TMEM108: variants seen among roughly 807,000 people sequenced by gnomAD.
TMEM108 encodes transmembrane protein 108, also known as cancer/testis antigen 124.
In TMEM108, 12 loss-of-function variants were observed where a neutral mutation model predicts 35.1. That is an observed-to-expected ratio of 0.34 (90% CI 0.22 to 0.55). The LOEUF is 0.55. Ranked by LOEUF, TMEM108 falls within the 20% of genes least tolerant of loss-of-function variation. The pLI, the probability that TMEM108 is intolerant of heterozygous loss-of-function variation, is 0.89. For synonymous variants in TMEM108, 287 were observed against 308.6 expected, an observed-to-expected ratio of 0.93 and a Z score of 0.73; for missense variants, 680 against 753.3, an observed-to-expected ratio of 0.90 and a Z score of 1.14.
At chr3:133,115,100 T>C (rs1451738197) in intron 2 of TMEM108, among the ~76,000 whole-genome samples, 1 of 152,218 alleles carries the variant, frequency 6.6e-6, no homozygotes, top group Non-Finnish European at 1.5e-5. Context: ...TGAATATTTA[T>C]CTTTCAAGAT....
chr3:133,387,064 G>A, intron 4 of TMEM108: 1 of 985,662 alleles, frequency 1.0e-6, no homozygotes, highest in Non-Finnish European at 1.2e-6. Context: ...CTGAAATAGT[G>A]AATGTTCTAA....
intron 3 of TMEM108, among the ~76,000 whole-genome samples, chr3:133,283,574 A>C (rs992389899): frequency 1.4e-5 from 2 of 146,812 alleles, no homozygotes; most frequent in Admixed American, 1.3e-4. Context: ...GTTTTCCTCT[A>C]TAGTCTGCTT....
intron 2 of TMEM108, among the ~76,000 whole-genome samples, chr3:133,159,105 A>G (rs1208368458): frequency 1.3e-5 from 2 of 152,204 alleles, no homozygotes; most frequent in Non-Finnish European, 2.9e-5. Context: ...GTCTCCCCAC[A>G]TCTTCACTCA....
At chr3:133,081,261 C>T (rs185334245) in intron 2 of TMEM108, among the ~76,000 whole-genome samples, 1 of 152,312 alleles carries the variant, frequency 6.6e-6, no homozygotes, top group Non-Finnish European at 1.5e-5. Flanking sequence ...AATTTGAGAT[C>T]AGGGTACCAG....
intron 5 of TMEM108, 151 bp from the exon 6 acceptor site, chr3:133,395,713 C>T (rs1354566364): frequency 1.2e-5 from 8 of 659,318 alleles, no homozygotes; most frequent in Non-Finnish European, 1.6e-5. Context: ...GCATAGAGGG[C>T]TGTGCACCTC....
intron 3 of TMEM108, among the ~76,000 whole-genome samples, chr3:133,317,223 C>T (rs896752842): frequency 1.3e-5 from 2 of 152,140 alleles, no homozygotes; most frequent in Middle Eastern, 3.4e-3. Context: ...TTTGTATCCC[C>T]AAGGAATATA....
chr3:133,174,660 G>A (rs1945183732), intron 2 of TMEM108, among the ~76,000 whole-genome samples: 1 of 152,036 alleles, frequency 6.6e-6, no homozygotes, highest in South Asian at 2.1e-4. Flanking sequence ...GGACATCCAT[G>A]CCAAAAACCC....
At chr3:133,195,995 A>G (rs1205802521) in intron 2 of TMEM108, among the ~76,000 whole-genome samples, 4 of 152,172 alleles carry the variant, frequency 2.6e-5, no homozygotes, top group Admixed American at 1.3e-4. Flanking sequence ...TTCTTTTGCT[A>G]TCTGACAGTT....
rs2073323168 is a variant in TMEM108 at position 133,397,547 on chromosome 3, T to C, written c.*1561T>C. ...TTAATTTTCTAGCGTGTTGTTGTCT[T>C]ACCTTTTTAACCTTACCATAATATT... On this transcript the variant is annotated 3_prime_UTR_variant, in exon 6 of 6. Coordinates refer to ENST00000321871, the MANE Select transcript of TMEM108 (RefSeq NM_023943.4). 1 of 152,218 alleles carries C rather than the reference T, an allele frequency of 6.6e-6. No individual in the cohort carries two copies. The highest frequency in any genetic ancestry group is 1.5e-5 in the Non-Finnish European group (1 of 68,030). 9.4% of individuals were successfully genotyped at this position (152,218 alleles called of 1,614,324 possible). A position where few individuals can be genotyped will look rare whatever the true frequency, so the allele number is the denominator to read the frequency against.
At position 133,218,889 on chromosome 3, in the gene TMEM108, CCTT is replaced by C. The variant is rs376675106; in HGVS notation, c.-46-10374_-46-10372del. 1.4e-4 allele frequency among the ~76,000 whole-genome samples: 21 copies of C among 152,010 alleles called. No individual in the cohort carries two copies. In the South Asian group the frequency reaches 3.3e-3, roughly 24 times the overall value. On this transcript the variant is annotated intron_variant, in intron 2 of 5. Transcript: ENST00000321871. Reference sequence around the variant, plus strand: ...GGCTTGGGTATCAGGGTAAGGCTAGCCTTCTAAAAATGAGTTGTAATTATTCCC... The same window carrying C: ...GGCTTGGGTATCAGGGTAAGGCTAGCCTAAAAATGAGTTGTAATTATTCCC...
chr3:133,166,034 A>G (rs1315226300), intron 2 of TMEM108, among the ~76,000 whole-genome samples: 3 of 152,248 alleles, frequency 2.0e-5, no homozygotes, highest in Admixed American at 1.3e-4. Flanking sequence ...GTCTTGTCCA[A>G]TAAAGCTGTA....
rs762012951 is a variant in TMEM108, at chr3:133,380,772, C to T, written c.1061C>T (p.Thr354Met). ...RPLSTSSGVF[T>M]AATGPTPAAF... is the part of the protein sequence containing the mutation. ...CTGTCTACCAGCTCTGGGGTCTTCA[C>T]GGCTGCCACGGGGCCCACCCCAGCT... Residue 354 changes from threonine (T) to methionine (M), a missense_variant, in exon 4 of 6, where the codon ACG becomes ATG. Physicochemically the swap from Thr to Met is moderately conservative, Grantham distance 81 (BLOSUM62 -1). Around this residue, in one of 3 missense-constraint regions of TMEM108, gnomAD observed 526 missense variants for 532.1 expected, o/e 0.99. Transcript: ENST00000321871. The surrounding 1 kb of genome is among the most constrained non-coding windows in gnomAD (Gnocchi z 5.3). 22 of 1,613,982 alleles carry T rather than the reference C, an allele frequency of 1.4e-5. No individual in the cohort carries two copies. The highest frequency in any genetic ancestry group is 1.6e-4 in the Middle Eastern group (1 of 6,084).
chr3:133,223,909 C>T (rs13072106), intron 2 of TMEM108, among the ~76,000 whole-genome samples: 20,079 of 152,114 alleles, frequency 0.13, 1,429 homozygotes, highest in South Asian at 0.22. Context: ...AATAAATAGC[C>T]AAATGGTGCT....
chr3:133,305,736 A>G (rs1388900050), intron 3 of TMEM108, among the ~76,000 whole-genome samples: 2 of 152,066 alleles, frequency 1.3e-5, no homozygotes, highest in Non-Finnish European at 2.9e-5. Flanking sequence ...GTTTCTCCCC[A>G]TCAACACCAA....
intron 3 of TMEM108, among the ~76,000 whole-genome samples, chr3:133,305,627 G>C (rs1194032654): frequency 1.3e-5 from 2 of 152,048 alleles, no homozygotes; most frequent in African/African-American, 4.8e-5. Flanking sequence ...TGAAATTGCA[G>C]TGTTGTGTGG....
At chr3:133,293,922 T>C (rs755398181) in intron 3 of TMEM108, among the ~76,000 whole-genome samples, 3 of 152,146 alleles carry the variant, frequency 2.0e-5, no homozygotes, top group African/African-American at 2.4e-5. Flanking sequence ...GCTGGCAACA[T>C]AGAAATCAGC....
Position 133,325,154 on chromosome 3 carries a change from A to G in TMEM108, c.41-54598A>G, listed in dbSNP as rs190499765. 2.9e-3 allele frequency among the ~76,000 whole-genome samples: 441 copies of G among 152,304 alleles called. 3 individuals are homozygous for G. Among genetic ancestry groups the G allele is most frequent in the African/African-American group, 0.01 (429 of 41,576 alleles). ...ACCATGGAGAGCTACTCAGCCATAA[A>G]AAAGGAATGAAATAATGGCATTCAA... is the stretch of plus-strand genomic sequence containing the variant. On this transcript the variant is annotated intron_variant, in intron 3 of 5. Transcript: ENST00000321871.
chr3:133,041,059 G>T (rs1318122836), intron 1 of TMEM108, among the ~76,000 whole-genome samples: 1 of 152,218 alleles, frequency 6.6e-6, no homozygotes, highest in African/African-American at 2.4e-5. Context: ...ACAGGTGGGG[G>T]CACTGGGTGA....
intron 3 of TMEM108, among the ~76,000 whole-genome samples, chr3:133,310,654 C>A (rs2071115157): frequency 6.8e-6 from 1 of 147,056 alleles, no homozygotes; most frequent in Admixed American, 7.0e-5. Flanking sequence ...ATACAGCACA[C>A]TGATGAGTCT....
Sources: allele counts gnomAD v4.1 joint callset (sites outside exome capture counted in the v4.1 genomes callset), GRCh38; gene constraint gnomAD v4.1.1; regional missense constraint gnomAD v4.1.1; non-coding constraint Gnocchi (gnomAD v3.1); transcripts MANE v1.5; gene names NCBI Gene and HGNC (gene_info 2026-07-23, HGNC 2026-07-21).